WWP1: variants seen among roughly 807,000 people sequenced by gnomAD.
WWP1 encodes the protein NEDD4-like E3 ubiquitin-protein ligase WWP1.
WWP1 carries 49 observed loss-of-function variants against 130.6 expected under a neutral mutation model. The observed-to-expected ratio is 0.38, with a 90% CI of 0.30 to 0.48. The LOEUF (loss-of-function observed/expected upper bound fraction) is 0.48. Among genes scored for constraint, WWP1 ranks in the 20% least tolerant of loss-of-function variants. The pLI is 0.99. For synonymous variants in WWP1, 332 were observed against 367.8 expected (o/e 0.90, Z 1.11); for missense variants, 809 against 1,100.6 (o/e 0.74, Z 3.75).
intron 1 of WWP1, among the ~76,000 whole-genome samples, chr8:86,350,010 A>G (rs1010227891): frequency 3.9e-5 from 6 of 152,078 alleles, no homozygotes; most frequent in East Asian, 1.9e-4. Context: ...CCAAGCCCCA[A>G]TGGCATTTTC....
At chr8:86,394,809 A>G (rs1452924233) in intron 5 of WWP1, among the ~76,000 whole-genome samples, 1 of 152,046 alleles carries the variant, frequency 6.6e-6, no homozygotes, top group Non-Finnish European at 1.5e-5. Context: ...TCAATCTTCC[A>G]TGTTCAGAAT....
chr8:86,400,344 A>C (rs770103456), intron 7 of WWP1, among the ~76,000 whole-genome samples: 1 of 152,090 alleles, frequency 6.6e-6, no homozygotes, highest in Non-Finnish European at 1.5e-5. Context: ...GGGGGAAAAA[A>C]ATAAATAAAT....
At chr8:86,384,535 A>T (rs1480550944) in intron 5 of WWP1, among the ~76,000 whole-genome samples, 2 of 152,222 alleles carry the variant, frequency 1.3e-5, no homozygotes, top group African/African-American at 4.8e-5. Flanking sequence ...TATAAAATTA[A>T]TAAGGTTCAA....
chr8:86,438,632 AT>A lies in WWP1; in HGVS notation c.1800del (p.Phe600LeufsTer12). On this transcript the variant is annotated frameshift_variant, in exon 17 of 25. Transcript: ENST00000517970. LOFTEE classifies it high-confidence loss of function. ...YDLRRRLYVI[F>X]RGEEGLDYGG... ...ACTTGAGGAGGCGCTTATATGTAAT[AT>A]TTAGAGGAGAAGAAGGACTTGATTA... 6.2e-7 allele frequency: 1 copy of A among 1,608,696 alleles called. No individual in the cohort carries two copies. Among genetic ancestry groups the A allele is most frequent in the Non-Finnish European group, 8.5e-7 (1 of 1,178,718 alleles).
intron 17 of WWP1, 147 bp from the exon 18 acceptor site, chr8:86,442,472 G>A (rs1190648351): frequency 4.5e-6 from 3 of 674,128 alleles, no homozygotes; most frequent in Non-Finnish European, 6.6e-6. Flanking sequence ...GATCATAGAA[G>A]AACTTGGATA....
At chr8:86,346,150 G>T (rs1207471967) in intron 1 of WWP1, among the ~76,000 whole-genome samples, 1 of 152,206 alleles carries the variant, frequency 6.6e-6, no homozygotes, top group East Asian at 1.9e-4. Flanking sequence ...TTTAATATGT[G>T]CATGAGAGCT....
At chr8:86,368,809 C>T (rs1824124086) in intron 1 of WWP1, 130 bp from the exon 2 acceptor site, 1 of 152,188 alleles carries the variant, frequency 6.6e-6, no homozygotes, top group Non-Finnish European at 1.5e-5. Flanking sequence ...AGGTTATCTT[C>T]TCTGTGATCC....
At chr8:86,372,219 T>C (rs1003535443) in intron 2 of WWP1, among the ~76,000 whole-genome samples, 14 of 151,808 alleles carry the variant, frequency 9.2e-5, no homozygotes, top group African/African-American at 3.1e-4. Context: ...AGACGGGGTT[T>C]CACCGTGTTA....
intron 2 of WWP1, among the ~76,000 whole-genome samples, chr8:86,372,212 C>T (rs557216293): frequency 2.9e-4 from 44 of 151,568 alleles, no homozygotes; most frequent in African/African-American, 1.0e-3. Flanking sequence ...TTAGTAGAGA[C>T]GGGGTTTCAC....
chr8:86,394,814 C>G (rs1385755416), intron 5 of WWP1, among the ~76,000 whole-genome samples: 2 of 151,278 alleles, frequency 1.3e-5, no homozygotes, highest in Non-Finnish European at 2.9e-5. Flanking sequence ...CTTCCATGTT[C>G]AGAATTGTGA....
At chr8:86,417,977 C>T (rs1010217895) in intron 9 of WWP1, among the ~76,000 whole-genome samples, 1 of 151,924 alleles carries the variant, frequency 6.6e-6, no homozygotes, top group African/African-American at 2.4e-5. Context: ...GAGTAATGTC[C>T]GATAGTGACA....
At chr8:86,390,149 G>T (rs1807208559) in intron 5 of WWP1, among the ~76,000 whole-genome samples, 1 of 151,898 alleles carries the variant, frequency 6.6e-6, no homozygotes, top group Non-Finnish European at 1.5e-5. Flanking sequence ...CAGCCGGGCA[G>T]ACACGCTCCT....
intron 1 of WWP1, among the ~76,000 whole-genome samples, chr8:86,350,354 A>C (rs1038105541): frequency 6.6e-6 from 1 of 152,148 alleles, no homozygotes; most frequent in African/African-American, 2.4e-5. Context: ...AGTTTTTATT[A>C]CATTATAGCT....
intron 21 of WWP1, 98 bp downstream of exon 21, chr8:86,452,777 G>A: frequency 6.9e-7 from 1 of 1,450,318 alleles, no homozygotes; most frequent in Non-Finnish European, 9.4e-7. Context: ...TTAAAATCCT[G>A]TAGCACAATC....
At chr8:86,427,267 C>G (rs1055084935) in intron 10 of WWP1, among the ~76,000 whole-genome samples, 1 of 151,988 alleles carries the variant, frequency 6.6e-6, no homozygotes, top group Admixed American at 6.6e-5. Context: ...AGGGCTAATG[C>G]TTTCCCTCCC....
chr8:86,408,878 C>A (rs1025129883), intron 8 of WWP1, among the ~76,000 whole-genome samples: 2 of 151,970 alleles, frequency 1.3e-5, no homozygotes, highest in African/African-American at 4.8e-5. Flanking sequence ...CTACTGCACT[C>A]CAACCTGGGT....
chr8:86,445,409 A>T, intron 18 of WWP1, among the ~76,000 whole-genome samples: 1 of 152,222 alleles, frequency 6.6e-6, no homozygotes, highest in Non-Finnish European at 1.5e-5. Flanking sequence ...TGTGTGCCCA[A>T]TGCTGAGCTC....
At chr8:86,416,271 A>T (rs926828983) in intron 9 of WWP1, among the ~76,000 whole-genome samples, 7 of 152,184 alleles carry the variant, frequency 4.6e-5, no homozygotes, top group Non-Finnish European at 1.0e-4. Context: ...TTTCTGTGTG[A>T]AGACAAAGGG....
chr8:86,377,395 G>T (rs10109677), intron 3 of WWP1, among the ~76,000 whole-genome samples: 1 of 151,780 alleles, frequency 6.6e-6, no homozygotes, highest in Admixed American at 6.6e-5. Flanking sequence ...CCACGCCCAG[G>T]CTTTTCTTTT....
Sources: gnomAD v4.1 joint callset for allele counts (sites outside exome capture counted in the v4.1 genomes callset) on GRCh38, gnomAD v4.1.1 for gene constraint, MANE v1.5 for transcripts, NCBI Gene and HGNC (gene_info 2026-07-23, HGNC 2026-07-21) for gene names.